Variants in CNTN5 observed in about 807,000 individuals in gnomAD.
CNTN5 encodes contactin 5.
Under a neutral mutation model 129.1 loss-of-function variants are expected in CNTN5, and 77 were observed. That is an observed-to-expected ratio of 0.60 (90% CI 0.50 to 0.72). CNTN5 has a LOEUF of 0.72. CNTN5 is among the 30% of genes least tolerant of loss of function. The probability of loss-of-function intolerance (pLI) is 0.00; values close to 1 mark genes in which losing one functional copy is unlikely to be tolerated. For synonymous variants in CNTN5, 509 were observed against 465.6 expected, an observed-to-expected ratio of 1.09 and a Z score of -1.20; for missense variants, 1,478 against 1,328.8, an observed-to-expected ratio of 1.11 and a Z score of -1.75.
chr11:99,949,662 G>A (rs766789753), intron 7 of CNTN5, among the ~76,000 whole-genome samples: 11 of 152,108 alleles, frequency 7.2e-5, no homozygotes, highest in Non-Finnish European at 1.6e-4. Context: ...AATTTAGGCC[G>A]CCTTTTGAAA....
chr11:99,844,585 G>T (rs955822839), intron 4 of CNTN5: 1 of 418,460 alleles, frequency 2.4e-6, no homozygotes, highest in Non-Finnish European at 4.4e-6. Flanking sequence ...TGAAAACAAA[G>T]ATATATATTT....
chr11:99,264,854 T>C (rs1382030994), intron 1 of CNTN5, among the ~76,000 whole-genome samples: 1 of 152,022 alleles, frequency 6.6e-6, no homozygotes, highest in East Asian at 1.9e-4. Flanking sequence ...TTTATCTTCA[T>C]TTTTTTATGT....
At chr11:99,234,083 G>A (rs1218730451) in intron 1 of CNTN5, among the ~76,000 whole-genome samples, 4 of 152,180 alleles carry the variant, frequency 2.6e-5, no homozygotes, top group East Asian at 1.9e-4. Flanking sequence ...ATCCTGACAC[G>A]TAAATTTAAT....
chr11:99,026,155 A>G (rs1426429713), intron 1 of CNTN5, among the ~76,000 whole-genome samples: 1 of 151,646 alleles, frequency 6.6e-6, no homozygotes, highest in Non-Finnish European at 1.5e-5. Flanking sequence ...TGGCAGTTTC[A>G]TGATCATTAA....
At chr11:99,077,947 T>G (rs1865643036) in intron 1 of CNTN5, among the ~76,000 whole-genome samples, 1 of 152,186 alleles carries the variant, frequency 6.6e-6, no homozygotes, top group Admixed American at 6.5e-5. Flanking sequence ...TATAGCAGTA[T>G]GAAAATGGAC....
chr11:99,879,544 A>G (rs1003826117), intron 6 of CNTN5, among the ~76,000 whole-genome samples: 11 of 152,144 alleles, frequency 7.2e-5, no homozygotes, highest in Non-Finnish European at 1.3e-4. Flanking sequence ...ACTTCTATCG[A>G]TGTTACTTCT....
chr11:99,305,320 G>A (rs1864825558), intron 1 of CNTN5, among the ~76,000 whole-genome samples: 1 of 152,162 alleles, frequency 6.6e-6, no homozygotes, highest in Non-Finnish European at 1.5e-5. Context: ...TATTCTAACA[G>A]AAGAGATGCT....
At chr11:99,299,662 T>G (rs2135941414) in intron 1 of CNTN5, among the ~76,000 whole-genome samples, 1 of 152,312 alleles carries the variant, frequency 6.6e-6, no homozygotes, top group South Asian at 2.1e-4. Flanking sequence ...ATTTTCTGTT[T>G]CTGAGTTATT....
At chr11:99,305,929 C>T (rs867490827) in intron 1 of CNTN5, among the ~76,000 whole-genome samples, 3 of 151,330 alleles carry the variant, frequency 2.0e-5, no homozygotes, top group Non-Finnish European at 2.9e-5. Flanking sequence ...TGCAGGGAGC[C>T]GAGATCTCGT....
At chr11:100,341,258 A>G in intron 23 of CNTN5, 53 bp downstream of exon 23, 1 of 1,309,006 alleles carries the variant, frequency 7.6e-7, no homozygotes, top group Non-Finnish European at 1.1e-6. Flanking sequence ...AATTGTTATT[A>G]TGAAGATGGA....
At chr11:99,376,418 G>A (rs562446358) in intron 2 of CNTN5, among the ~76,000 whole-genome samples, 19 of 152,276 alleles carry the variant, frequency 1.2e-4, no homozygotes, top group Non-Finnish European at 2.4e-4. Flanking sequence ...TGTCAGTGAC[G>A]TGGTATTCTC....
At chr11:99,451,318 T>C (rs2656173) in intron 2 of CNTN5, among the ~76,000 whole-genome samples, 144,604 of 152,224 alleles carry the variant, frequency 0.95, 69,018 homozygotes, top group Non-Finnish European at 1. Flanking sequence ...TGTTACATTA[T>C]ACAAAAGTTA....
At chr11:99,268,658 G>A (rs1863021481) in intron 1 of CNTN5, among the ~76,000 whole-genome samples, 1 of 151,700 alleles carries the variant, frequency 6.6e-6, no homozygotes, top group South Asian at 2.1e-4. Flanking sequence ...AGGAATAATT[G>A]GATCAACACA....
In CNTN5 at chr11:100,046,740, G is replaced by T. The variant is rs148579751; in HGVS notation, c.981-14472G>T. Among the ~76,000 whole-genome samples, 699 of 152,102 alleles carry T rather than the reference G, an allele frequency of 4.6e-3. 1 individual carries two copies. Among genetic ancestry groups the T allele is most frequent in the Non-Finnish European group, 7.4e-3 (505 of 67,990 alleles). On this transcript the variant is annotated intron_variant, in intron 9 of 24. Coordinates refer to ENST00000524871, the MANE Select transcript of CNTN5 (RefSeq NM_014361.4). ...TGGACTGCCACTAATAAGCATGGCA[G>T]GGTAGTTTGTACCATATTAGGCCTC...
At chr11:99,079,640 A>G (rs946224012) in intron 1 of CNTN5, among the ~76,000 whole-genome samples, 1 of 152,224 alleles carries the variant, frequency 6.6e-6, no homozygotes, top group African/African-American at 2.4e-5. Flanking sequence ...CTACCTTTCC[A>G]GCTAAATTTA....
At chr11:100,141,994 A>G (rs2138259595) in intron 13 of CNTN5, among the ~76,000 whole-genome samples, 1 of 151,908 alleles carries the variant, frequency 6.6e-6, no homozygotes, top group South Asian at 2.1e-4. Context: ...TAGAACAAAA[A>G]AGCAGAGAGG....
chr11:99,736,543 T>G (rs1012191603), intron 3 of CNTN5, among the ~76,000 whole-genome samples: 1 of 152,212 alleles, frequency 6.6e-6, no homozygotes, highest in African/African-American at 2.4e-5. Flanking sequence ...TTGTATCTAA[T>G]GTGTTTAATC....
intron 1 of CNTN5, among the ~76,000 whole-genome samples, chr11:99,112,452 GATTT>G (rs1035142380): frequency 6.6e-6 from 1 of 151,736 alleles, no homozygotes; most frequent in African/African-American, 2.4e-5. Context: ...TAAAAACAAA[GATTT>G]ATTAAAACAA....
intron 3 of CNTN5, among the ~76,000 whole-genome samples, chr11:99,780,962 G>C (rs1044147391): frequency 2.0e-5 from 3 of 151,962 alleles, no homozygotes; most frequent in South Asian, 4.1e-4. Flanking sequence ...GGAAACACAC[G>C]TGGCATCTTA....
Sources: allele counts gnomAD v4.1 joint callset (sites outside exome capture counted in the v4.1 genomes callset), GRCh38; gene constraint gnomAD v4.1.1; transcripts MANE v1.5; gene names NCBI Gene and HGNC (gene_info 2026-07-23, HGNC 2026-07-21).